GPHN: variants seen among roughly 807,000 people sequenced by gnomAD.
GPHN encodes gephyrin.
A neutral mutation model predicts 95.5 loss-of-function variants in GPHN; 17 were observed. That is an observed-to-expected ratio of 0.18 (90% CI 0.12 to 0.27). The LOEUF is 0.27. Ranked by LOEUF, GPHN falls within the 10% of genes least tolerant of loss-of-function variation. The pLI is 1.00. For missense variants in GPHN, 660 were observed against 978.1 expected, an observed-to-expected ratio of 0.67 and a Z score of 4.34; for synonymous variants, 320 against 322.5, an observed-to-expected ratio of 0.99 and a Z score of 0.08.
At chr14:66,646,718 G>A (rs1351760322) in intron 1 of GPHN, among the ~76,000 whole-genome samples, 1 of 152,030 alleles carries the variant, frequency 6.6e-6, no homozygotes, top group Admixed American at 6.6e-5. Flanking sequence ...TGGTTACCAG[G>A]GGTTCAGTGG....
At chr14:67,496,264 T>C in the GPHN span, among the ~76,000 whole-genome samples, 1 of 152,130 alleles carries the variant, frequency 6.6e-6, no homozygotes, top group Non-Finnish European at 1.5e-5. Flanking sequence ...GGCTAATTTT[T>C]GTATTTTTGG....
At chr14:66,508,965 G>T (rs906266557) in intron 1 of GPHN, 4 of 330,270 alleles carry the variant, frequency 1.2e-5, no homozygotes, top group East Asian at 8.1e-5. Flanking sequence ...TGGCCTGGGC[G>T]CATCCTCCGC....
chr14:66,839,823 A>G (rs1277563242), intron 4 of GPHN, among the ~76,000 whole-genome samples: 1 of 151,946 alleles, frequency 6.6e-6, no homozygotes, highest in Non-Finnish European at 1.5e-5. Flanking sequence ...TATGGGCCCT[A>G]TTTACTTCCT....
chr14:67,097,542 T>G (rs541105715), intron 12 of GPHN, among the ~76,000 whole-genome samples: 1 of 151,954 alleles, frequency 6.6e-6, no homozygotes. Context: ...TTTCCCTCCC[T>G]TTGTCTCTCC....
At chr14:66,719,651 C>T (rs570033284) in intron 2 of GPHN, among the ~76,000 whole-genome samples, 2 of 152,290 alleles carry the variant, frequency 1.3e-5, no homozygotes, top group African/African-American at 4.8e-5. Context: ...GTAGTCCTGC[C>T]TCCCATCCAC....
At chr14:67,058,976 G>GC in intron 11 of GPHN, 190 bp downstream of exon 11, 1 of 439,060 alleles carries the variant, frequency 2.3e-6, no homozygotes, top group Non-Finnish European at 3.9e-6. Context: ...ACAGTATACA[G>GC]AGTAAAATCC....
chr14:66,664,234 A>AC (rs1430009071), intron 1 of GPHN, among the ~76,000 whole-genome samples: 4 of 152,170 alleles, frequency 2.6e-5, no homozygotes, highest in Non-Finnish European at 4.4e-5. Context: ...CGGAAGTAAA[A>AC]CACTGCTCAG....
chr14:67,111,777 T>C, intron 14 of GPHN, 84 bp from the exon 15 acceptor site: 1 of 973,960 alleles, frequency 1.0e-6, no homozygotes, highest in South Asian at 1.3e-5. Context: ...ATCCTGGGCC[T>C]ATCTGATGGT....
intron 18 of GPHN, among the ~76,000 whole-genome samples, chr14:67,156,960 G>A (rs1044909715): frequency 2.0e-5 from 3 of 146,438 alleles, no homozygotes; most frequent in African/African-American, 7.6e-5. Context: ...TGACAAGTGA[G>A]ACTCTGTCTC....
intron 3 of GPHN, among the ~76,000 whole-genome samples, chr14:66,796,518 T>G (rs2060163794): frequency 6.6e-6 from 1 of 152,154 alleles, no homozygotes; most frequent in African/African-American, 2.4e-5. Context: ...CCAGCATTTC[T>G]TATTGCCTGT....
the GPHN span, among the ~76,000 whole-genome samples, chr14:67,229,563 C>T: frequency 6.6e-6 from 1 of 151,966 alleles, no homozygotes; most frequent in African/African-American, 2.4e-5. Flanking sequence ...TTTGGTAGGG[C>T]TACATTTTTC....
chr14:66,632,227 T>C (rs1426961258), intron 1 of GPHN, among the ~76,000 whole-genome samples: 1 of 152,186 alleles, frequency 6.6e-6, no homozygotes, highest in African/African-American at 2.4e-5. Context: ...ACAGTGCCTG[T>C]CTCTTAGCAA....
chr14:66,649,151 G>T (rs1444372119), intron 1 of GPHN, among the ~76,000 whole-genome samples: 2 of 152,198 alleles, frequency 1.3e-5, no homozygotes, highest in Non-Finnish European at 2.9e-5. Flanking sequence ...AGGCAACATG[G>T]TGAAACCCTG....
intron 1 of GPHN, among the ~76,000 whole-genome samples, chr14:66,678,174 A>C (rs1204202377): frequency 2.6e-5 from 4 of 152,126 alleles, no homozygotes; most frequent in Non-Finnish European, 4.4e-5. Context: ...TTACGAAATA[A>C]GTTTTCTATG....
At chr14:67,695,920 A>G in the GPHN span, 2 of 570,472 alleles carry the variant, frequency 3.5e-6, no homozygotes, top group South Asian at 4.3e-5. Flanking sequence ...ATCCCCAACC[A>G]TCTAGGGCTT....
At chr14:67,720,950 A>T in the GPHN span, 1 of 152,152 alleles carries the variant, frequency 6.6e-6, no homozygotes, top group Non-Finnish European at 1.5e-5. Context: ...TGAGTCAAGA[A>T]GTGTCTGCTG....
intron 11 of GPHN, among the ~76,000 whole-genome samples, chr14:67,077,440 C>G (rs1419431327): frequency 1.3e-5 from 2 of 152,140 alleles, no homozygotes; most frequent in African/African-American, 2.4e-5. Flanking sequence ...ATGCGTTTAT[C>G]AGGATGTAAC....
the GPHN span, among the ~76,000 whole-genome samples, chr14:67,611,649 G>A: frequency 6.6e-6 from 1 of 152,060 alleles, no homozygotes; most frequent in Non-Finnish European, 1.5e-5. Flanking sequence ...CAACCAATTG[G>A]AAAAACAAAA....
chr14:67,337,692 C>G, the GPHN span: 1 of 152,074 alleles, frequency 6.6e-6, no homozygotes, highest in Non-Finnish European at 1.5e-5. Flanking sequence ...TGGCTCATGC[C>G]AAATCAAACA....
Sources: gnomAD v4.1 joint callset for allele counts (sites outside exome capture counted in the v4.1 genomes callset) on GRCh38, gnomAD v4.1.1 for gene constraint, MANE v1.5 for transcripts, NCBI Gene and HGNC (gene_info 2026-07-23, HGNC 2026-07-21) for gene names.